Variants in HOXA3 observed in about 807,000 individuals in gnomAD.
The protein encoded by HOXA3 is homeobox protein Hox-A3.
HOXA3 carries 8 observed loss-of-function variants against 30.3 expected under a neutral mutation model. The observed-to-expected ratio is 0.26, with a 90% CI of 0.15 to 0.48. The LOEUF (loss-of-function observed/expected upper bound fraction) is 0.48, where lower values mean the gene tolerates loss of function less well. Among genes scored for constraint, HOXA3 ranks in the 20% least tolerant of loss-of-function variants. The probability of loss-of-function intolerance (pLI) is 0.99; values close to 1 mark genes in which losing one functional copy is unlikely to be tolerated. For missense variants in HOXA3, 653 were observed against 614.4 expected (o/e 1.06, Z -0.66); for synonymous variants, 323 against 273.1 (o/e 1.18, Z -1.80).
At position 27,145,858 on chromosome 7, in the gene HOXA3, G is replaced by T. The variant is rs1436934135; in HGVS notation, c.-493-5672C>A. ...AAGTGGAACTCCTTCTCCAGCTCCA[G>T]TGTCTGGTAGCGCGTGTAGGTCTGG... is the stretch of plus-strand genomic sequence containing the variant. On this transcript the variant is annotated intron_variant, in intron 1 of 5. Coordinates refer to ENST00000612286, the MANE Select transcript of HOXA3 (RefSeq NM_153631.3). 6.2e-7 allele frequency: 1 copy of T among 1,614,248 alleles called. No individual in the cohort carries two copies. Among genetic ancestry groups the T allele is most frequent in the Non-Finnish European group, 8.5e-7 (1 of 1,180,050 alleles).
At chr7:27,129,544 G>A (rs1785430033) in intron 2 of HOXA3, 7 of 1,613,914 alleles carry the variant, frequency 4.3e-6, no homozygotes, top group Non-Finnish European at 5.9e-6. Flanking sequence ...AGAGCGCTTA[G>A]GCTCCCCTCC....
chr7:27,141,820 T>A (rs1372868230), intron 1 of HOXA3: 2 of 1,612,900 alleles, frequency 1.2e-6, no homozygotes, highest in African/African-American at 1.3e-5. Context: ...CTCAGTACTT[T>A]AAACGCTCAG....
In HOXA3 at chr7:27,108,654, T is replaced by A; in HGVS notation, c.593A>T (p.Tyr198Phe). The A allele has an allele frequency of 6.2e-7, 1 of 1,613,920 alleles. No homozygotes were observed. Among genetic ancestry groups the A allele is most frequent in the Non-Finnish European group, 8.5e-7 (1 of 1,179,882 alleles). ...QASSKRARTA[Y>F]TSAQLVELEK... ...CAGCTCCACCAGCTGCGCGCTCGTG[T>A]AGGCCGTGCGCGCGCGCTTGGACGA... The change falls in exon 6 of 6, where the codon TAC becomes TTC. Residue 198 changes from tyrosine (Y) to phenylalanine (F), a missense_variant. Around this residue, in one of 3 missense-constraint regions of HOXA3, gnomAD observed 320 missense variants for 321.9 expected, o/e 0.99. Transcript: ENST00000612286. The surrounding 1 kb of genome is among the most constrained non-coding windows in gnomAD (Gnocchi z 5.0).
chr7:27,143,619 T>C (rs761980692), intron 1 of HOXA3: 1 of 1,583,816 alleles, frequency 6.3e-7, no homozygotes, highest in South Asian at 1.1e-5. Context: ...TGTTTTTTGA[T>C]ATGTGTGCTT....
chr7:27,151,338 C>T, intron 1 of HOXA3: 1 of 324,744 alleles, frequency 3.1e-6, no homozygotes. Flanking sequence ...ACGCTCTGCG[C>T]TTCCTCCCGG....
chr7:27,147,446 A>AG, intron 1 of HOXA3: 1 of 1,614,160 alleles, frequency 6.2e-7, no homozygotes, highest in Non-Finnish European at 8.5e-7. Flanking sequence ...AAGTGCAGGT[A>AG]GTCCCCGGGG....
At chr7:27,143,400 C>A (rs766695975) in intron 1 of HOXA3, 23 of 1,607,584 alleles carry the variant, frequency 1.4e-5, no homozygotes, top group South Asian at 3.3e-5. Context: ...TAGCTGCGGG[C>A]GCGCTCTCCG....
At chr7:27,144,163 T>C (rs1782673079) in intron 1 of HOXA3, among the ~76,000 whole-genome samples, 1 of 152,244 alleles carries the variant, frequency 6.6e-6, no homozygotes, top group Non-Finnish European at 1.5e-5. Context: ...GCAGCCCCTC[T>C]TATTTTTGTG....
chr7:27,139,440 G>A (rs1785828667), intron 2 of HOXA3, among the ~76,000 whole-genome samples: 1 of 152,180 alleles, frequency 6.6e-6, no homozygotes, highest in African/African-American at 2.4e-5. Flanking sequence ...TGCAGCCCCA[G>A]CCTCGCCGGC....
In HOXA3 at chr7:27,110,341, A is replaced by T; in HGVS notation, c.300T>A (p.Pro100=). The change falls in exon 5 of 6, where the codon CCT becomes CCA. Residue 100 remains proline, a synonymous_variant. Transcript: ENST00000612286. ...GTGCGGGCTGAGGCGGCTGTGGGGC[A>T]GGGGGCGCGGCCTGGGGCGGCGGCG... is the stretch of plus-strand genomic sequence containing the variant. The part of the protein sequence containing the change: ...LHPPPPQAAP[P]APQPPQPAPQ... The T allele has an allele frequency of 3.3e-6, 4 of 1,222,930 alleles. No individual in the cohort carries two copies. The highest frequency in any genetic ancestry group is 4.2e-6 in the Non-Finnish European group (4 of 950,914). 75.8% of individuals were successfully genotyped at this position (1,222,930 alleles called of 1,614,324 possible).
Position 27,108,006 on chromosome 7 carries a change from G to A in HOXA3, c.1241C>T (p.Pro414Leu). 1.2e-6 allele frequency: 2 copies of A among 1,612,386 alleles called. No homozygotes were observed. The highest frequency in any genetic ancestry group is 8.5e-7 in the Non-Finnish European group (1 of 1,178,962). ...CGTGTAGGTGGGGTGCGGCTCCCCA[G>A]GCCCCGGCCCGTGGTGGTGGCCGCT... The part of the protein sequence containing the change: ...LGSGHHHGPG[P>L]GEPHPTYTDL... The change falls in exon 6 of 6, where the codon CCT becomes CTT. Residue 414 changes from proline to leucine, a missense_variant. Physicochemically the swap from Pro to Leu is moderately conservative, Grantham distance 98 (BLOSUM62 -3). Coordinates refer to ENST00000612286, the MANE Select transcript of HOXA3 (RefSeq NM_153631.3). The surrounding 1 kb of genome is among the most constrained non-coding windows in gnomAD (Gnocchi z 5.0).
intron 1 of HOXA3, chr7:27,145,384 G>A: frequency 2.1e-6 from 1 of 483,582 alleles, no homozygotes; most frequent in African/African-American, 1.9e-5. Context: ...GGGCATCCTT[G>A]TGGAGCGGGA....
At chr7:27,130,620 C>CCCGCCCGGGCCGCCGTCTGCG in intron 2 of HOXA3, 2 of 1,560,168 alleles carry the variant, frequency 1.3e-6, no homozygotes, top group Non-Finnish European at 1.7e-6. Flanking sequence ...AGCCGGGGCC[C>CCCGCCCGGGCCGCCGTCTGCG]CCGCCCGGGC....
At chr7:27,127,337 G>C (rs6461987) in intron 2 of HOXA3, among the ~76,000 whole-genome samples, 20,745 of 152,088 alleles carry the variant, frequency 0.14, 1,712 homozygotes, top group African/African-American at 0.21. Flanking sequence ...TCAGAGACTG[G>C]TATCTATCAC....
intron 2 of HOXA3, chr7:27,130,364 T>C (rs1785482390): frequency 8.8e-7 from 1 of 1,137,826 alleles, no homozygotes; most frequent in Non-Finnish European, 1.1e-6. Context: ...GCTGGGCCCT[T>C]GGCTTGCGCC....
rs1265049115 is a variant in HOXA3, at chr7:27,108,001, C to T, written c.1246G>A (p.Glu416Lys). The change falls in exon 6 of 6, where the codon GAG becomes AAG. Residue 416 changes from glutamate to lysine, a missense_variant. Physicochemically the swap from Glu to Lys is moderately conservative, Grantham distance 56 (BLOSUM62 1). Coordinates refer to ENST00000612286, the MANE Select transcript of HOXA3 (RefSeq NM_153631.3). The surrounding 1 kb of genome is among the most constrained non-coding windows in gnomAD (Gnocchi z 5.0). Reference protein sequence around the residue: ...SGHHHGPGPGEPHPTYTDLTG... With the variant: ...SGHHHGPGPGKPHPTYTDLTG... ...AGGTCCGTGTAGGTGGGGTGCGGCTCCCCAGGCCCCGGCCCGTGGTGGTGG... is the reference window on the plus strand; with the variant it reads ...AGGTCCGTGTAGGTGGGGTGCGGCTTCCCAGGCCCCGGCCCGTGGTGGTGG... 3 of 1,612,192 alleles carry T rather than the reference C, an allele frequency of 1.9e-6. No individual in the cohort carries two copies. The highest frequency in any genetic ancestry group is 2.5e-6 in the Non-Finnish European group (3 of 1,178,772).
rs183529329 is a variant in HOXA3 at position 27,148,182 on chromosome 7, C to G, written c.-494+4106G>C. Among the ~76,000 whole-genome samples, 533 of 152,380 alleles carry G rather than the reference C, an allele frequency of 3.5e-3. 5 individuals are homozygous for G. The highest frequency in any genetic ancestry group is 0.012 in the African/African-American group (508 of 41,590). ...TGCTTTATTGAATTTTGCGGGTTCC[C>G]CGCCCCTCCTCCTCCAAACAGGAAA... On this transcript the variant is annotated intron_variant, in intron 1 of 5. Transcript: ENST00000612286.
intron 1 of HOXA3, chr7:27,151,234 G>A: frequency 5.5e-6 from 1 of 183,068 alleles, no homozygotes; most frequent in Non-Finnish European, 1.2e-5. Context: ...TCTTGTCGCT[G>A]TCCGAGGAGT....
chr7:27,108,705 C>A lies in HOXA3; in HGVS notation c.542G>T (p.Gly181Val). 6.2e-7 allele frequency: 1 copy of A among 1,602,304 alleles called. No homozygotes were observed. Among genetic ancestry groups the A allele is most frequent in the Non-Finnish European group, 8.5e-7 (1 of 1,172,148 alleles). ...AGCCTGCCCCGGCGGGCTCTTGTCG[C>A]CAGCGCAGCTTTCGCCTGCGAGGAC... is the stretch of plus-strand genomic sequence containing the variant. ...SSSSSGESCA[G>V]DKSPPGQASS... The change falls in exon 6 of 6, where the codon GGC (glycine) becomes GTC (valine). Residue 181 changes from glycine (G) to valine (V), a missense_variant. Coordinates refer to ENST00000612286, the MANE Select transcript of HOXA3 (RefSeq NM_153631.3). The surrounding 1 kb of genome is among the most constrained non-coding windows in gnomAD (Gnocchi z 5.0).
Sources: gnomAD v4.1 joint callset for allele counts (sites outside exome capture counted in the v4.1 genomes callset) on GRCh38, gnomAD v4.1.1 for gene constraint, gnomAD v4.1.1 regional missense constraint, Gnocchi (gnomAD v3.1) non-coding constraint, MANE v1.5 for transcripts, NCBI Gene and HGNC (gene_info 2026-07-23, HGNC 2026-07-21) for gene names.